RALGPS2: variants seen among roughly 807,000 people sequenced by gnomAD.
The protein encoded by RALGPS2 is Ral GEF with PH domain and SH3 binding motif 2, also known as ras-specific guanine nucleotide-releasing factor RalGPS2.
RALGPS2 carries 43 observed loss-of-function variants against 86.8 expected under a neutral mutation model. The observed-to-expected ratio is 0.50, with a 90% CI of 0.39 to 0.64. The LOEUF is 0.64. Ranked by LOEUF, RALGPS2 falls within the 30% of genes least tolerant of loss-of-function variation. The probability of loss-of-function intolerance (pLI) is 0.00; values close to 1 mark genes in which losing one functional copy is unlikely to be tolerated. For missense variants in RALGPS2, 536 were observed against 694.6 expected, an observed-to-expected ratio of 0.77 and a Z score of 2.57; for synonymous variants, 243 against 231.3, an observed-to-expected ratio of 1.05 and a Z score of -0.46.
chr1:178,908,965 T>TGAAGTCTTTGCCAGGGCCTGTGTCCA (rs2102415785), intron 19 of RALGPS2, among the ~76,000 whole-genome samples: 1 of 152,356 alleles, frequency 6.6e-6, no homozygotes, highest in African/African-American at 2.4e-5. Flanking sequence ...GTCTTCATCA[T>TGAAGTCTTTGCCAGGGCCTGTGTCCA]GAAGTCTTTG....
At chr1:178,898,685 T>G (rs1660044172) in intron 17 of RALGPS2, among the ~76,000 whole-genome samples, 1 of 151,992 alleles carries the variant, frequency 6.6e-6, no homozygotes, top group African/African-American at 2.4e-5. Flanking sequence ...CATGGTTTCA[T>G]TTTTTAACTG....
chr1:178,748,526 A>T (rs1651468511), intron 1 of RALGPS2, among the ~76,000 whole-genome samples: 1 of 152,128 alleles, frequency 6.6e-6, no homozygotes, highest in Non-Finnish European at 1.5e-5. Context: ...AACAACAGGG[A>T]TGAGGTCTCA....
intron 2 of RALGPS2, among the ~76,000 whole-genome samples, chr1:178,778,792 G>A (rs1335543123): frequency 6.6e-6 from 1 of 151,052 alleles, no homozygotes; most frequent in African/African-American, 2.4e-5. Flanking sequence ...ACTATCGCAA[G>A]AACAAAAAAC....
In RALGPS2 at chr1:178,892,272, A is replaced by G. The variant is rs760355335; in HGVS notation, c.1290A>G (p.Ala430=). ...YHSLGPVTRV[A]RNGYRSHMKA... is the part of the protein sequence containing the mutation. ...CTCTCGGCCCGGTGACAAGAGTGGCACGAAATGGCTATCGAAGTCACATGA... is the reference window on the plus strand; with the variant it reads ...CTCTCGGCCCGGTGACAAGAGTGGCGCGAAATGGCTATCGAAGTCACATGA... The change falls in exon 15 of 20, where the codon GCA becomes GCG. Residue 430 remains alanine (A), a synonymous_variant. Coordinates refer to ENST00000367635, the MANE Select transcript of RALGPS2 (RefSeq NM_152663.5). The G allele has an allele frequency of 6.2e-6, 10 of 1,612,802 alleles. No individual in the cohort carries two copies. In the South Asian group the frequency reaches 9.9e-5, roughly 16 times the overall value.
chr1:178,904,531 G>C (rs952320789), intron 18 of RALGPS2, among the ~76,000 whole-genome samples: 1 of 152,266 alleles, frequency 6.6e-6, no homozygotes, highest in South Asian at 2.1e-4. Flanking sequence ...TTTTGTATAA[G>C]GTGAGAGATG....
chr1:178,746,231 T>C (rs1005230769), intron 1 of RALGPS2, among the ~76,000 whole-genome samples: 1 of 152,172 alleles, frequency 6.6e-6, no homozygotes, highest in Non-Finnish European at 1.5e-5. Context: ...ACTAATGAAC[T>C]CTCAACACCA....
intron 19 of RALGPS2, among the ~76,000 whole-genome samples, chr1:178,910,950 G>A (rs1417795968): frequency 6.6e-6 from 1 of 152,042 alleles, no homozygotes; most frequent in Non-Finnish European, 1.5e-5. Context: ...ACTCATTATT[G>A]GTCTTTTTAG....
chr1:178,787,838 C>T (rs763694169), intron 4 of RALGPS2, among the ~76,000 whole-genome samples: 4 of 152,246 alleles, frequency 2.6e-5, no homozygotes, highest in African/African-American at 9.6e-5. Context: ...TGACCTCTTA[C>T]TTCATCTACC....
At chr1:178,774,382 A>G (rs934529256) in intron 1 of RALGPS2, among the ~76,000 whole-genome samples, 1 of 152,232 alleles carries the variant, frequency 6.6e-6, no homozygotes, top group African/African-American at 2.4e-5. Context: ...AAAGTAATAA[A>G]TTGTATATTT....
At chr1:178,879,053 C>A in intron 10 of RALGPS2, 61 bp downstream of exon 10, 1 of 1,570,778 alleles carries the variant, frequency 6.4e-7, no homozygotes, top group East Asian at 2.3e-5. Flanking sequence ...CTTTCTATCC[C>A]TATGTATTTA....
chr1:178,902,549 C>T (rs1361481312), intron 18 of RALGPS2, among the ~76,000 whole-genome samples: 5 of 152,032 alleles, frequency 3.3e-5, no homozygotes. Context: ...AATATATACC[C>T]CATTGTTACT....
chr1:178,872,003 G>A (rs1413785749), intron 8 of RALGPS2, among the ~76,000 whole-genome samples: 1 of 152,188 alleles, frequency 6.6e-6, no homozygotes, highest in Non-Finnish European at 1.5e-5. Flanking sequence ...ACAAACTTAG[G>A]CTTAAGTAAC....
At chr1:178,865,083 C>T (rs1658295994) in intron 8 of RALGPS2, 2 of 1,537,660 alleles carry the variant, frequency 1.3e-6, no homozygotes, top group African/African-American at 1.4e-5. Context: ...CCCAGCAGAC[C>T]AGGAGTATAC....
At position 178,920,089 on chromosome 1, in the gene RALGPS2, G is replaced by T. The variant is rs1021419681; in HGVS notation, c.*3730G>T. The T allele has an allele frequency of 6.6e-6, 1 of 151,886 alleles. No homozygotes were observed. Among genetic ancestry groups the T allele is most frequent in the Non-Finnish European group, 1.5e-5 (1 of 67,878 alleles). The allele number at this position is 151,886 out of a possible 1,614,324, so 9.4% of individuals were successfully genotyped here. ...TTTCTTTCAAACATAGTAAATATATGATTTTACAGCCAAAGTGGTATTCTG... is the reference window on the plus strand; with the variant it reads ...TTTCTTTCAAACATAGTAAATATATTATTTTACAGCCAAAGTGGTATTCTG... On this transcript the variant is annotated 3_prime_UTR_variant, in exon 20 of 20. Coordinates refer to ENST00000367635, the MANE Select transcript of RALGPS2 (RefSeq NM_152663.5).
intron 1 of RALGPS2, among the ~76,000 whole-genome samples, chr1:178,754,087 G>T (rs1372875181): frequency 6.6e-6 from 1 of 151,838 alleles, no homozygotes; most frequent in East Asian, 1.9e-4. Context: ...CTCCCAAAGT[G>T]CTGGGATTAC....
chr1:178,783,597 T>C (rs1227161553), intron 2 of RALGPS2, among the ~76,000 whole-genome samples: 1 of 152,138 alleles, frequency 6.6e-6, no homozygotes, highest in African/African-American at 2.4e-5. Context: ...TAATACATAA[T>C]AGCTGGTGGG....
At chr1:178,743,615 A>G (rs184543275) in intron 1 of RALGPS2, among the ~76,000 whole-genome samples, 1 of 152,358 alleles carries the variant, frequency 6.6e-6, no homozygotes, top group East Asian at 1.9e-4. Context: ...ACATCGATAA[A>G]ATTGATAAAG....
chr1:178,767,633 G>A (rs918898069), intron 1 of RALGPS2, among the ~76,000 whole-genome samples: 1 of 152,148 alleles, frequency 6.6e-6, no homozygotes, highest in African/African-American at 2.4e-5. Context: ...GCCTGCCTAC[G>A]GAATTCAGGC....
intron 6 of RALGPS2, among the ~76,000 whole-genome samples, chr1:178,818,539 C>T (rs1326528302): frequency 1.3e-5 from 2 of 152,112 alleles, no homozygotes; most frequent in East Asian, 1.9e-4. Context: ...GGATCTAAGT[C>T]CCAGAGATCT....
Sources: gnomAD v4.1 joint callset for allele counts (sites outside exome capture counted in the v4.1 genomes callset) on GRCh38, gnomAD v4.1.1 for gene constraint, MANE v1.5 for transcripts, NCBI Gene and HGNC (gene_info 2026-07-23, HGNC 2026-07-21) for gene names.